PLXNA4: variants seen among roughly 807,000 people sequenced by gnomAD.
The protein encoded by PLXNA4 is plexin A4.
PLXNA4 carries 44 observed loss-of-function variants against 191.8 expected under a neutral mutation model. The ratio of observed to expected loss-of-function variants is 0.23; its 90% CI spans 0.18 to 0.29. PLXNA4 has a LOEUF of 0.29. PLXNA4 is among the 10% of genes least tolerant of loss of function. The pLI is 1.00. For synonymous variants in PLXNA4, 1,082 were observed against 1,009.5 expected, an observed-to-expected ratio of 1.07 and a Z score of -1.36; for missense variants, 1,800 against 2,488.8, an observed-to-expected ratio of 0.72 and a Z score of 5.89.
chr7:132,455,155 G>A (rs1424996146), intron 3 of PLXNA4, among the ~76,000 whole-genome samples: 2 of 152,214 alleles, frequency 1.3e-5, no homozygotes, highest in African/African-American at 4.8e-5. Context: ...CACACTGGCA[G>A]GTATCTGTGG....
At position 132,149,540 on chromosome 7, in the gene PLXNA4, C is replaced by T. The variant is rs149610440; in HGVS notation, c.4661-894G>A. ...CAGCACACACATGTATGAGCTCACG[C>T]ATCCACACATACCATTCTCATGGAC... On this transcript the variant is annotated intron_variant, in intron 25 of 31. Coordinates refer to ENST00000321063, the MANE Select transcript of PLXNA4 (RefSeq NM_020911.2). Among the ~76,000 whole-genome samples, 379 of 152,332 alleles carry T rather than the reference C, an allele frequency of 2.5e-3. 4 individuals are homozygous for T. Among genetic ancestry groups the T allele is most frequent in the African/African-American group, 8.9e-3 (368 of 41,580 alleles).
At chr7:132,431,321 C>T (rs59103391) in intron 3 of PLXNA4, among the ~76,000 whole-genome samples, 9,780 of 152,144 alleles carry the variant, frequency 0.064, 1,011 homozygotes, top group African/African-American at 0.22. Context: ...TCCCCACCTC[C>T]CCTCTCCCCC....
chr7:132,488,790 G>T (rs187634534), intron 3 of PLXNA4, among the ~76,000 whole-genome samples: 1 of 152,150 alleles, frequency 6.6e-6, no homozygotes, highest in African/African-American at 2.4e-5. Context: ...CATTGCACCC[G>T]TGGTTTTCTC....
At chr7:132,350,422 C>T (rs1291099345) in intron 3 of PLXNA4, among the ~76,000 whole-genome samples, 1 of 152,116 alleles carries the variant, frequency 6.6e-6, no homozygotes, top group Non-Finnish European at 1.5e-5. Context: ...ATGAGAATTG[C>T]TTGAACCAGA....
At chr7:132,561,688 T>C (rs1408811378) in intron 1 of PLXNA4, among the ~76,000 whole-genome samples, 279 of 49,260 alleles carry the variant, frequency 5.7e-3, no homozygotes, top group Middle Eastern at 0.024. Context: ...TCCTCCTCCT[T>C]CACCTCCTCC....
intron 3 of PLXNA4, among the ~76,000 whole-genome samples, chr7:132,336,162 C>T (rs1035412121): frequency 6.6e-6 from 1 of 152,214 alleles, no homozygotes; most frequent in East Asian, 1.9e-4. Context: ...CTTCTGCTCT[C>T]TAAGTATTCT....
Position 132,638,885 on chromosome 7 carries a change from A to T in PLXNA4, c.-87+7043T>A, listed in dbSNP as rs568148189. 2.0e-5 allele frequency among the ~76,000 whole-genome samples: 3 copies of T among 152,260 alleles called. No homozygotes were observed. In the South Asian group the frequency reaches 6.2e-4, roughly 32 times the overall value. On this transcript the variant is annotated intron_variant, in intron 2 of 4. Coordinates refer to the PLXNA4 transcript ENST00000378539. ...AAATGCTCACTGACATTCAACGTAC[A>T]AAGAGCAATGACTCTGAGCCCCAGC... is the stretch of plus-strand genomic sequence containing the variant.
At chr7:132,303,714 C>T (rs1269192828) in intron 3 of PLXNA4, among the ~76,000 whole-genome samples, 1 of 152,226 alleles carries the variant, frequency 6.6e-6, no homozygotes, top group African/African-American at 2.4e-5. Context: ...CCCACACCCA[C>T]CATGTGTCTG....
At chr7:132,215,580 G>C (rs1156863833) in intron 9 of PLXNA4, among the ~76,000 whole-genome samples, 1 of 152,116 alleles carries the variant, frequency 6.6e-6, no homozygotes, top group Non-Finnish European at 1.5e-5. Context: ...ACTCCTGGAG[G>C]ATGGGGGTAT....
intron 1 of PLXNA4, among the ~76,000 whole-genome samples, chr7:132,531,343 TA>T (rs1353458234): frequency 6.6e-6 from 1 of 152,234 alleles, no homozygotes; most frequent in Non-Finnish European, 1.5e-5. Context: ...GATTAATTAA[TA>T]ACAAGGAAAA....
At chr7:132,585,591 C>T (rs142359637) in intron 2 of PLXNA4, among the ~76,000 whole-genome samples, 2 of 152,238 alleles carry the variant, frequency 1.3e-5, no homozygotes, top group East Asian at 1.9e-4. Context: ...TCATTTGGGG[C>T]TGCTGTTATG....
intron 5 of PLXNA4, among the ~76,000 whole-genome samples, chr7:132,229,036 C>T (rs1470545419): frequency 6.6e-6 from 1 of 152,150 alleles, no homozygotes; most frequent in Non-Finnish European, 1.5e-5. Context: ...TTTAATAAGT[C>T]TGGAATTTCT....
At chr7:132,498,579 A>T (rs1017336066) in intron 2 of PLXNA4, among the ~76,000 whole-genome samples, 1 of 152,138 alleles carries the variant, frequency 6.6e-6, no homozygotes, top group African/African-American at 2.4e-5. Context: ...TCAAGATGAG[A>T]TCTGGATGGG....
exon 1 of PLXNA4, chr7:132,648,520 G>T (rs145765517): frequency 6.6e-6 from 1 of 152,132 alleles, no homozygotes. Flanking sequence ...TTACCTTTTC[G>T]GGGTAATTAA....
At chr7:132,138,250 A>T (rs1795170305) in intron 30 of PLXNA4, among the ~76,000 whole-genome samples, 1 of 152,174 alleles carries the variant, frequency 6.6e-6, no homozygotes, top group South Asian at 2.1e-4. Context: ...GCCTCTAAGT[A>T]AAAAGTCCTG....
intron 3 of PLXNA4, among the ~76,000 whole-genome samples, chr7:132,477,748 GATCCAGCTAT>G (rs1299373841): frequency 3.3e-5 from 5 of 152,184 alleles, no homozygotes; most frequent in African/African-American, 7.2e-5. Flanking sequence ...TGGGGAAATA[GATCCAGCTAT>G]ATTAATGAAC....
At chr7:132,360,781 C>A (rs2116850484) in intron 3 of PLXNA4, among the ~76,000 whole-genome samples, 1 of 152,310 alleles carries the variant, frequency 6.6e-6, no homozygotes, top group East Asian at 1.9e-4. Flanking sequence ...CTGCATTGGG[C>A]TGGCTTTAGC....
chr7:132,459,889 A>AT (rs907523328), intron 3 of PLXNA4, among the ~76,000 whole-genome samples: 34 of 152,158 alleles, frequency 2.2e-4, no homozygotes, highest in Non-Finnish European at 4.1e-4. Flanking sequence ...AAAATATCTG[A>AT]TTTTTTAAAT....
Position 132,601,314 on chromosome 7 carries a change from G to C in PLXNA4, c.-87+44614C>G, listed in dbSNP as rs79433927. Reference sequence around the variant, plus strand: ...AAAAAAACAGTAAACATTTCTGATAGTGTGGTAGAGCCCGTGAGAGATTCC... The same window carrying C: ...AAAAAAACAGTAAACATTTCTGATACTGTGGTAGAGCCCGTGAGAGATTCC... On this transcript the variant is annotated intron_variant, in intron 2 of 4. Transcript: ENST00000378539. Among the ~76,000 whole-genome samples, 11 of 152,000 alleles carry C rather than the reference G, an allele frequency of 7.2e-5. No individual in the cohort carries two copies. The East Asian group carries it at 2.1e-3, about 29-fold the overall frequency.
Sources: gnomAD v4.1 joint callset for allele counts (sites outside exome capture counted in the v4.1 genomes callset) on GRCh38, gnomAD v4.1.1 for gene constraint, MANE v1.5 for transcripts, NCBI Gene and HGNC (gene_info 2026-07-23, HGNC 2026-07-21) for gene names.